The following TCF7L2 variants were observed in gnomAD, a reference collection of about 807,000 sequenced individuals.
TCF7L2 encodes transcription factor 7 like 2, also known as transcription factor 7-like 2.
A neutral mutation model predicts 77.9 loss-of-function variants in TCF7L2; 23 were observed. The observed-to-expected ratio is 0.30, with a 90% CI of 0.21 to 0.42. The LOEUF (loss-of-function observed/expected upper bound fraction) is 0.42, where lower values mean the gene tolerates loss of function less well. TCF7L2 is among the 10% of genes least tolerant of loss of function. The pLI is 1.00. For synonymous variants in TCF7L2, 413 were observed against 340.2 expected (o/e 1.21, Z -2.36); for missense variants, 654 against 793.1 (o/e 0.82, Z 2.11).
Position 113,152,480 on chromosome 10 carries a change from C to G in TCF7L2, c.1269+40C>G, listed in dbSNP as rs768894399. On this transcript the variant is annotated intron_variant, in intron 11 of 13. Transcript: ENST00000627217. ...TTCGTTAGGATTGGAGTCTGTAGAG[C>G]TGTGTTGTGCGTCTATACGGACAAA... The G allele has an allele frequency of 9.8e-6, 15 of 1,528,202 alleles. 1 individual carries two copies. In the Middle Eastern group the frequency reaches 5.2e-4, roughly 53 times the overall value. The allele number at this position is 1,528,202 out of a possible 1,614,324, so 94.7% of individuals were successfully genotyped here.
intron 5 of TCF7L2, among the ~76,000 whole-genome samples, chr10:113,058,565 TC>T (rs2055818652): frequency 6.6e-6 from 1 of 152,128 alleles, no homozygotes; most frequent in Non-Finnish European, 1.5e-5. Flanking sequence ...TCCTTTTGCT[TC>T]CTGGTCAGTT....
rs2137657600 is a variant in TCF7L2 at position 113,165,937 on chromosome 10, C to G, written c.1774C>G (p.Gln592Glu). ...CAGCTCCCTGGCCGGGACCCAGCCC[C>G]AGCCGCTGTCGCTCGTCACCAAGTC... Residue 592 changes from glutamine (Q) to glutamate (E), a missense_variant, in exon 14 of 14, where the codon CAG becomes GAG. Transcript: ENST00000627217. 1 of 1,547,146 alleles carries G rather than the reference C, an allele frequency of 6.5e-7. No homozygotes were observed. Among genetic ancestry groups the G allele is most frequent in the Admixed American group, 2.0e-5 (1 of 49,198 alleles).
At chr10:113,008,978 G>A (rs535948202) in intron 4 of TCF7L2, among the ~76,000 whole-genome samples, 1 of 152,264 alleles carries the variant, frequency 6.6e-6, no homozygotes, top group East Asian at 1.9e-4. Context: ...GTCTTGCTCT[G>A]TTGCCCAGGC....
intron 4 of TCF7L2, among the ~76,000 whole-genome samples, chr10:112,965,451 T>A (rs1321258929): frequency 6.6e-6 from 1 of 152,200 alleles, no homozygotes; most frequent in Non-Finnish European, 1.5e-5. Flanking sequence ...ACTTCTTGAG[T>A]GTTCTGGCTT....
chr10:113,159,792 T>G, intron 12 of TCF7L2, 128 bp from the exon 14 acceptor site: 4 of 672,752 alleles, frequency 5.9e-6, no homozygotes, highest in Non-Finnish European at 2.6e-6. Context: ...TTTATTCCCT[T>G]TTTTATTTTT....
intron 4 of TCF7L2, among the ~76,000 whole-genome samples, chr10:112,966,215 C>G (rs1361203485): frequency 1.0e-5 from 1 of 97,228 alleles, no homozygotes; most frequent in African/African-American, 5.3e-5. Flanking sequence ...TATATATTTT[C>G]TTTTCTTGAT....
intron 4 of TCF7L2, among the ~76,000 whole-genome samples, chr10:113,028,220 G>A (rs554235401): frequency 2.0e-4 from 31 of 152,270 alleles, no homozygotes; most frequent in African/African-American, 7.2e-4. Context: ...GAGGGATTTG[G>A]AAAGAGCCAT....
At chr10:113,094,433 T>G (rs1564886012) in intron 5 of TCF7L2, among the ~76,000 whole-genome samples, 1 of 152,202 alleles carries the variant, frequency 6.6e-6, no homozygotes, top group Non-Finnish European at 1.5e-5. Flanking sequence ...AATTTGGGTT[T>G]ACACAATGAA....
At chr10:113,060,169 TTG>T (rs2056194821) in intron 5 of TCF7L2, among the ~76,000 whole-genome samples, 1 of 152,196 alleles carries the variant, frequency 6.6e-6, no homozygotes, top group Non-Finnish European at 1.5e-5. Context: ...CAAAATGTAT[TTG>T]GCTCTCCATA....
chr10:113,097,657 A>AAAACAAAAAAAAAAAACAAC (rs1564890147), intron 5 of TCF7L2, among the ~76,000 whole-genome samples: 1 of 141,410 alleles, frequency 7.1e-6, no homozygotes, highest in African/African-American at 2.6e-5. Flanking sequence ...AAAAAAAAAA[A>AAAACAAAAAAAAAAAACAAC]AAAAAAAAAA....
At chr10:113,156,634 T>C (rs1234253537) in intron 11 of TCF7L2, among the ~76,000 whole-genome samples, 1 of 152,198 alleles carries the variant, frequency 6.6e-6, no homozygotes, top group Non-Finnish European at 1.5e-5. Context: ...CTCTCCTGAA[T>C]TCCCCCCAGT....
At chr10:113,089,571 A>G in intron 5 of TCF7L2, 1 of 1,610,286 alleles carries the variant, frequency 6.2e-7, no homozygotes, top group Non-Finnish European at 8.5e-7. Context: ...ACGGTATGAG[A>G]TGAGCTAGCT....
At chr10:113,101,183 T>C (rs1212338152) in intron 5 of TCF7L2, among the ~76,000 whole-genome samples, 1 of 152,196 alleles carries the variant, frequency 6.6e-6, no homozygotes, top group Non-Finnish European at 1.5e-5. Flanking sequence ...AAGGAGCATT[T>C]TGTTATTCCC....
At chr10:113,071,207 C>G (rs1252428887) in intron 5 of TCF7L2, among the ~76,000 whole-genome samples, 1 of 152,158 alleles carries the variant, frequency 6.6e-6, no homozygotes, top group African/African-American at 2.4e-5. Flanking sequence ...ATGTAGAAAC[C>G]CCCAGTTGAC....
At chr10:112,978,576 C>T (rs964331592) in intron 4 of TCF7L2, among the ~76,000 whole-genome samples, 2 of 151,788 alleles carry the variant, frequency 1.3e-5, no homozygotes, top group Admixed American at 1.3e-4. Context: ...TGCGATTCTC[C>T]TGCCTCAGCC....
chr10:113,048,461 G>C (rs568465304), intron 5 of TCF7L2, among the ~76,000 whole-genome samples: 10 of 152,134 alleles, frequency 6.6e-5, no homozygotes, highest in Non-Finnish European at 1.3e-4. Flanking sequence ...CCCATCTCTG[G>C]TTAGGGACTG....
intron 4 of TCF7L2, among the ~76,000 whole-genome samples, chr10:112,991,256 G>A (rs1301452153): frequency 6.6e-6 from 1 of 152,050 alleles, no homozygotes; most frequent in African/African-American, 2.4e-5. Flanking sequence ...CTGGCCGGGC[G>A]CGGTGGCTCA....
chr10:113,107,662 GA>G (rs1363961537), intron 5 of TCF7L2, among the ~76,000 whole-genome samples: 1 of 149,218 alleles, frequency 6.7e-6, no homozygotes, highest in East Asian at 2.1e-4. Flanking sequence ...AGAATGGCGT[GA>G]ACCCGGGAGG....
intron 5 of TCF7L2, among the ~76,000 whole-genome samples, chr10:113,111,572 A>G (rs757361714): frequency 2.6e-5 from 4 of 152,180 alleles, no homozygotes; most frequent in Admixed American, 6.5e-5. Context: ...CAGGAGGATC[A>G]CTTGAGCCCA....
Sources: gnomAD v4.1 joint callset for allele counts (sites outside exome capture counted in the v4.1 genomes callset) on GRCh38, gnomAD v4.1.1 for gene constraint, MANE v1.5 for transcripts, NCBI Gene and HGNC (gene_info 2026-07-23, HGNC 2026-07-21) for gene names.